PIAS2: variants seen among roughly 807,000 people sequenced by gnomAD.
PIAS2 encodes the protein E3 SUMO-protein ligase PIAS2.
A neutral mutation model predicts 69.7 loss-of-function variants in PIAS2; 19 were observed. That is an observed-to-expected ratio of 0.27 (90% confidence interval 0.19 to 0.40). The LOEUF (loss-of-function observed/expected upper bound fraction) is 0.40. PIAS2 is among the 10% of genes least tolerant of loss of function. The pLI, the probability that PIAS2 is intolerant of heterozygous loss-of-function variation, is 1.00. For missense variants in PIAS2, 624 were observed against 757.0 expected (o/e 0.82, Z 2.06); for synonymous variants, 261 against 263.2 (o/e 0.99, Z 0.08).
intron 11 of PIAS2, among the ~76,000 whole-genome samples, chr18:46,822,244 C>T (rs1315048219): frequency 6.6e-6 from 1 of 152,122 alleles, no homozygotes; most frequent in Non-Finnish European, 1.5e-5. Flanking sequence ...AAACAGTCAT[C>T]TTGAGAGTAC....
At chr18:46,816,530 T>C in intron 12 of PIAS2, 3 of 747,408 alleles carry the variant, frequency 4.0e-6, no homozygotes, top group Non-Finnish European at 4.9e-6. Flanking sequence ...CAGGCTGGAG[T>C]GCAGAGGCAC....
chr18:46,815,458 C>T (rs1381815975), intron 12 of PIAS2, 109 bp from the exon 13 acceptor site: 14 of 1,565,274 alleles, frequency 8.9e-6, no homozygotes, highest in Non-Finnish European at 1.1e-5. Context: ...TAAGTGCTTA[C>T]CACTCTGTCA....
intron 2 of PIAS2, among the ~76,000 whole-genome samples, chr18:46,881,880 C>T (rs1216544370): frequency 3.3e-5 from 5 of 152,196 alleles, no homozygotes; most frequent in African/African-American, 4.8e-5. Context: ...AGGCAGATCA[C>T]GAGGTCAAGA....
chr18:46,821,118 T>G, intron 11 of PIAS2, 46 bp from the exon 12 acceptor site: 1 of 1,604,422 alleles, frequency 6.2e-7, no homozygotes, highest in Admixed American at 1.7e-5. Flanking sequence ...GGCTGTTAGT[T>G]CACAGGAGAG....
intron 1 of PIAS2, among the ~76,000 whole-genome samples, chr18:46,911,215 T>C (rs2057222550): frequency 7.2e-6 from 1 of 138,358 alleles, no homozygotes; most frequent in South Asian, 2.3e-4. Flanking sequence ...GTTATATTTC[T>C]TTTTTTTTTT....
chr18:46,902,504 G>A (rs781393742), intron 1 of PIAS2, among the ~76,000 whole-genome samples: 3 of 152,056 alleles, frequency 2.0e-5, no homozygotes, highest in East Asian at 3.9e-4. Flanking sequence ...AGGTTGCAGC[G>A]AGCCGAGATC....
chr18:46,902,759 A>G (rs970696471), intron 1 of PIAS2, among the ~76,000 whole-genome samples: 3 of 152,216 alleles, frequency 2.0e-5, no homozygotes, highest in Non-Finnish European at 4.4e-5. Context: ...TATTAATAGA[A>G]CAGCCAAAAC....
intron 12 of PIAS2, chr18:46,818,290 C>A: frequency 7.3e-7 from 1 of 1,369,246 alleles, no homozygotes; most frequent in Non-Finnish European, 9.5e-7. Context: ...GACAATATGG[C>A]ACTAGCAATA....
intron 11 of PIAS2, among the ~76,000 whole-genome samples, chr18:46,821,701 C>T (rs1486978391): frequency 6.6e-6 from 1 of 152,084 alleles, no homozygotes; most frequent in African/African-American, 2.4e-5. Flanking sequence ...ACCATGATAG[C>T]ACCTACCAGG....
intron 3 of PIAS2, among the ~76,000 whole-genome samples, chr18:46,856,833 C>T (rs1225421104): frequency 6.6e-6 from 1 of 152,202 alleles, no homozygotes; most frequent in Non-Finnish European, 1.5e-5. Context: ...GGTGCTCTAA[C>T]TGGGCCAGTC....
chr18:46,848,869 A>C (rs929201828), intron 5 of PIAS2, among the ~76,000 whole-genome samples: 1 of 151,692 alleles, frequency 6.6e-6, no homozygotes, highest in African/African-American at 2.4e-5. Context: ...AAAAAAAAAA[A>C]CAACTCCTAA....
At position 46,810,484 on chromosome 18, in the gene PIAS2, A is replaced by G. The variant is rs1212907447; in HGVS notation, c.*1949T>C. On this transcript the variant is annotated 3_prime_UTR_variant, in exon 14 of 14. Coordinates refer to ENST00000585916, the MANE Select transcript of PIAS2 (RefSeq NM_004671.5). ...AAACTTTATTAGAAAGAAATACTATATCTGGACCAAAAAACTGCAACATGG... is the reference window on the plus strand; with the variant it reads ...AAACTTTATTAGAAAGAAATACTATGTCTGGACCAAAAAACTGCAACATGG... 6.6e-6 allele frequency: 1 copy of G among 152,154 alleles called. No individual in the cohort carries two copies. The highest frequency in any genetic ancestry group is 1.5e-5 in the Non-Finnish European group (1 of 68,028). The allele number at this position is 152,154 out of a possible 1,614,324, so 9.4% of individuals were successfully genotyped here.
In PIAS2 at chr18:46,828,028, T is replaced by C. The variant is rs773370037; in HGVS notation, c.1439A>G (p.Glu480Gly). The C allele has an allele frequency of 7.4e-6, 12 of 1,613,864 alleles. No individual in the cohort carries two copies. The East Asian group carries it at 2.5e-4, about 33-fold the overall frequency. Reference protein sequence around the residue: ...IDLTIESSSDEEEDPPAKRKC... With the variant: ...IDLTIESSSDGEEDPPAKRKC... ...CCTTTTGGCAGGAGGGTCTTCCTCT[T>C]CGTCAGAAGAGCTTTCTATTGTAAG... is the stretch of plus-strand genomic sequence containing the variant. The change falls in exon 11 of 14, where the codon GAA (glutamate) becomes GGA (glycine). Residue 480 changes from glutamate (E) to glycine (G), a missense_variant. Physicochemically the swap from Glu to Gly is moderately conservative, Grantham distance 98. Around this residue, in one of 3 missense-constraint regions of PIAS2, gnomAD observed 241 missense variants for 257.3 expected, o/e 0.94. Transcript: ENST00000585916.
intron 2 of PIAS2, among the ~76,000 whole-genome samples, chr18:46,873,811 C>T (rs972337433): frequency 6.6e-6 from 1 of 152,172 alleles, no homozygotes; most frequent in East Asian, 1.9e-4. Context: ...GAGGGAATAA[C>T]CTTCAGACCA....
At chr18:46,879,813 G>T (rs560597935) in intron 2 of PIAS2, among the ~76,000 whole-genome samples, 2 of 152,252 alleles carry the variant, frequency 1.3e-5, no homozygotes, top group African/African-American at 4.8e-5. Flanking sequence ...CAAGAAGACA[G>T]ATAATATGAC....
rs1393134758 is a variant in PIAS2, at chr18:46,917,334, G to T, written c.12C>A (p.Phe4Leu). 3 of 1,476,256 alleles carry T rather than the reference G, an allele frequency of 2.0e-6. No homozygotes were observed. The African/African-American group carries it at 4.5e-5, about 22-fold the overall frequency. 91.4% of individuals were successfully genotyped at this position (1,476,256 alleles called of 1,614,324 possible). MAD[F>L]EELRNMVSSF... ...CACTCCCGCTTACCCTCAACTCTTCGAAATCCGCCATTTTATACCACCCGC... is the reference window on the plus strand; with the variant it reads ...CACTCCCGCTTACCCTCAACTCTTCTAAATCCGCCATTTTATACCACCCGC... The change falls in exon 1 of 14, where the codon TTC (phenylalanine) becomes TTA (leucine). Residue 4 changes from phenylalanine to leucine, a missense_variant. This residue lies in a region of PIAS2 where 339 missense variants were observed against 408.8 expected (regional missense o/e 0.83). Transcript: ENST00000585916.
chr18:46,816,066 A>G (rs989651944), intron 12 of PIAS2: 19 of 984,660 alleles, frequency 1.9e-5, no homozygotes, highest in Non-Finnish European at 2.0e-5. Flanking sequence ...GTCTAGTAAT[A>G]AACTTCAACA....
intron 5 of PIAS2, among the ~76,000 whole-genome samples, chr18:46,848,788 T>TGTGTGA (rs1031640019): frequency 6.8e-6 from 1 of 146,200 alleles, no homozygotes; most frequent in African/African-American, 2.5e-5. Context: ...TGTGTGTGTG[T>TGTGTGA]GAGAGAGAGA....
chr18:46,835,545 C>T (rs928810376), intron 9 of PIAS2, among the ~76,000 whole-genome samples: 12 of 152,130 alleles, frequency 7.9e-5, no homozygotes, highest in African/African-American at 1.9e-4. Flanking sequence ...TCCCACCTCA[C>T]GTTCCTGTGT....
Sources: gnomAD v4.1 joint callset for allele counts (sites outside exome capture counted in the v4.1 genomes callset) on GRCh38, gnomAD v4.1.1 for gene constraint, gnomAD v4.1.1 regional missense constraint, MANE v1.5 for transcripts, NCBI Gene and HGNC (gene_info 2026-07-23, HGNC 2026-07-21) for gene names.